CCDC149: variants seen among roughly 807,000 people sequenced by gnomAD.
CCDC149 encodes coiled-coil domain-containing protein 149.
In CCDC149, 45 loss-of-function variants were observed where a neutral mutation model predicts 59.9. The ratio of observed to expected loss-of-function variants is 0.75; its 90% CI spans 0.59 to 0.96. The LOEUF is 0.96. Ranked by LOEUF, CCDC149 falls within the 40% of genes least tolerant of loss-of-function variation. The pLI is 0.00. For missense variants in CCDC149, 584 were observed against 664.7 expected (o/e 0.88, Z 1.33); for synonymous variants, 245 against 260.6 (o/e 0.94, Z 0.58).
intron 12 of CCDC149, among the ~76,000 whole-genome samples, chr4:24,813,477 T>G (rs1714761880): frequency 7.5e-6 from 1 of 133,834 alleles, no homozygotes. Flanking sequence ...ATCCCCAAGG[T>G]TCAGCTTGGG....
chr4:24,859,061 A>T (rs1718209097), intron 3 of CCDC149, among the ~76,000 whole-genome samples: 1 of 152,230 alleles, frequency 6.6e-6, no homozygotes, highest in African/African-American at 2.4e-5. Flanking sequence ...AGATTTTAAA[A>T]TACGGACAGT....
At chr4:24,912,637 G>A (rs1162951534) in intron 1 of CCDC149, among the ~76,000 whole-genome samples, 180 bp downstream of exon 1, 1 of 152,178 alleles carries the variant, frequency 6.6e-6, no homozygotes, top group African/African-American at 2.4e-5. Context: ...CGCCCGCGCA[G>A]ACCCGAAAGT....
intron 1 of CCDC149, among the ~76,000 whole-genome samples, chr4:24,921,852 AT>A (rs1722303814): frequency 6.6e-6 from 1 of 152,212 alleles, no homozygotes; most frequent in Admixed American, 6.5e-5. Context: ...CGCACCCCCT[AT>A]TCCCCGCTCT....
At chr4:24,948,170 G>A (rs1018420183) in intron 1 of CCDC149, among the ~76,000 whole-genome samples, 1 of 152,196 alleles carries the variant, frequency 6.6e-6, no homozygotes, top group Admixed American at 6.5e-5. Flanking sequence ...GCTGTCCTTA[G>A]AGAAGCGTGT....
chr4:24,862,313 A>T (rs1718434261), intron 3 of CCDC149, among the ~76,000 whole-genome samples: 1 of 152,224 alleles, frequency 6.6e-6, no homozygotes, highest in African/African-American at 2.4e-5. Context: ...GCAACTGACC[A>T]TGGAGAAGCA....
chr4:24,946,871 T>C (rs918112603), intron 1 of CCDC149, among the ~76,000 whole-genome samples: 1 of 152,228 alleles, frequency 6.6e-6, no homozygotes, highest in Admixed American at 6.5e-5. Context: ...ACACAATTAC[T>C]TGTGGTGCCC....
chr4:24,916,977 C>G (rs1722147713), upstream of CCDC149, among the ~76,000 whole-genome samples: 1 of 152,122 alleles, frequency 6.6e-6, no homozygotes, highest in African/African-American at 2.4e-5. Flanking sequence ...GTGCCACAGC[C>G]AGGCCTCCTG....
intron 12 of CCDC149, among the ~76,000 whole-genome samples, chr4:24,816,644 A>G (rs1302307419): frequency 1.3e-5 from 2 of 152,182 alleles, no homozygotes; most frequent in Non-Finnish European, 2.9e-5. Context: ...GGAAAATATT[A>G]AAAATAATAG....
intron 1 of CCDC149, among the ~76,000 whole-genome samples, chr4:24,966,305 C>A (rs778655385): frequency 1.3e-5 from 2 of 152,068 alleles, no homozygotes; most frequent in African/African-American, 4.8e-5. Context: ...AATGGGTATG[C>A]GGCAGGCTAT....
intron 1 of CCDC149, among the ~76,000 whole-genome samples, chr4:24,932,542 A>ATT (rs1722626490): frequency 6.6e-6 from 1 of 152,180 alleles, no homozygotes; most frequent in Non-Finnish European, 1.5e-5. Context: ...GAAGTAAGGA[A>ATT]GTGTGGCTGC....
intron 7 of CCDC149, among the ~76,000 whole-genome samples, chr4:24,835,337 CAT>C (rs1716447957): frequency 6.6e-6 from 1 of 152,188 alleles, no homozygotes; most frequent in Non-Finnish European, 1.5e-5. Context: ...TGCAGCCTAA[CAT>C]GTGAAGTCAC....
chr4:24,825,084 A>G (rs1330638563), intron 9 of CCDC149, among the ~76,000 whole-genome samples: 1 of 152,158 alleles, frequency 6.6e-6, no homozygotes, highest in African/African-American at 2.4e-5. Context: ...GAAGAGCAGG[A>G]GCCGAGTCCG....
At chr4:24,864,945 G>T (rs1284060825) in intron 3 of CCDC149, among the ~76,000 whole-genome samples, 3 of 152,172 alleles carry the variant, frequency 2.0e-5, no homozygotes, top group African/African-American at 4.8e-5. Context: ...GAGAATTTTG[G>T]TGTACACGGG....
chr4:24,909,036 C>A (rs1721717987), intron 1 of CCDC149, among the ~76,000 whole-genome samples: 1 of 152,168 alleles, frequency 6.6e-6, no homozygotes. Context: ...CAAAACAGAA[C>A]CCTGGTCATG....
At chr4:24,860,633 A>G (rs932577022) in intron 3 of CCDC149, among the ~76,000 whole-genome samples, 11 of 152,256 alleles carry the variant, frequency 7.2e-5, no homozygotes, top group African/African-American at 2.4e-4. Context: ...AGAGCAAAAG[A>G]AATTATCAGC....
At chr4:24,916,787 G>GGGGTGTGT (rs145861125), upstream of CCDC149, among the ~76,000 whole-genome samples, 37 of 141,920 alleles carry the variant, frequency 2.6e-4, no homozygotes, top group Admixed American at 8.4e-4. Context: ...GGTTTATAAT[G>GGGGTGTGT]GTGTGTGTGT....
intron 1 of CCDC149, among the ~76,000 whole-genome samples, chr4:24,962,147 A>G (rs917547283): frequency 0.011 from 1,628 of 152,244 alleles, 18 homozygotes; most frequent in Non-Finnish European, 0.017. Context: ...AAAAGTGGGC[A>G]AAGGATATGA....
chr4:24,915,334 A>G (rs7655179), upstream of CCDC149, among the ~76,000 whole-genome samples: 55,289 of 152,188 alleles, frequency 0.36, 10,878 homozygotes, highest in African/African-American at 0.52. Flanking sequence ...TCTGCCTTTC[A>G]AGCCTCCTTG....
chr4:24,952,464 T>C (rs892629758), intron 1 of CCDC149, among the ~76,000 whole-genome samples: 14 of 150,942 alleles, frequency 9.3e-5, no homozygotes, highest in African/African-American at 3.2e-4. Context: ...TGGTTGCAGG[T>C]GCCTGTAATC....
Sources: gnomAD v4.1 joint callset for allele counts (sites outside exome capture counted in the v4.1 genomes callset) on GRCh38, gnomAD v4.1.1 for gene constraint, MANE v1.5 for transcripts, NCBI Gene and HGNC (gene_info 2026-07-23, HGNC 2026-07-21) for gene names.